KY: variants seen among roughly 807,000 people sequenced by gnomAD.
KY encodes kyphoscoliosis peptidase.
Under a neutral mutation model 76.1 loss-of-function variants are expected in KY, and 43 were observed. That is an observed-to-expected ratio of 0.57 (90% CI 0.44 to 0.73). The LOEUF is 0.73. Among genes scored for constraint, KY ranks in the 30% least tolerant of loss-of-function variants. The probability of loss-of-function intolerance (pLI) is 0.00; values close to 1 mark genes in which losing one functional copy is unlikely to be tolerated. For synonymous variants in KY, 277 were observed against 326.2 expected, an observed-to-expected ratio of 0.85 and a Z score of 1.63; for missense variants, 722 against 828.9, an observed-to-expected ratio of 0.87 and a Z score of 1.58.
chr3:134,604,868 T>C lies in KY; in HGVS notation c.1091-394A>G, dbSNP rs530973225. 2.6e-5 allele frequency among the ~76,000 whole-genome samples: 4 copies of C among 152,268 alleles called. No individual in the cohort carries two copies. In the East Asian group the frequency reaches 7.7e-4, roughly 29 times the overall value. ...GGCACCATCTCCCCCAAGTCTCAGGTCTAGCTTGCACCTTGCTCCCTGTAG... is the reference window on the plus strand; with the variant it reads ...GGCACCATCTCCCCCAAGTCTCAGGCCTAGCTTGCACCTTGCTCCCTGTAG... On this transcript the variant is annotated intron_variant, in intron 10 of 10. Transcript: ENST00000423778.
chr3:134,610,575 A>G, intron 8 of KY, 192 bp from the exon 9 acceptor site: 1 of 576,622 alleles, frequency 1.7e-6, no homozygotes, highest in Non-Finnish European at 3.1e-6. Context: ...AGGGAGATAC[A>G]GTGCTGGCTG....
intron 7 of KY, chr3:134,619,947 T>G (rs180978701): frequency 6.6e-6 from 1 of 152,440 alleles, no homozygotes; most frequent in East Asian, 1.9e-4. Flanking sequence ...TTGGACCTCC[T>G]ACCTGTGCCA....
At chr3:134,606,295 C>T (rs1959198030) in intron 10 of KY, among the ~76,000 whole-genome samples, 1 of 152,186 alleles carries the variant, frequency 6.6e-6, no homozygotes, top group Non-Finnish European at 1.5e-5. Context: ...CCTGGCTACT[C>T]CTGGGCTCAC....
Position 134,603,532 on chromosome 3 carries a change from G to A in KY, c.*47C>T, listed in dbSNP as rs775346815. On this transcript the variant is annotated 3_prime_UTR_variant, in exon 11 of 11. Transcript: ENST00000423778. ...GCACTTCCTTCGAGCCCTCCCTGGG[G>A]AGGTCTGGCCTTGGCCCTTTGGGAG... The A allele has an allele frequency of 2.0e-6, 3 of 1,510,470 alleles. No homozygotes were observed. Among genetic ancestry groups the A allele is most frequent in the Non-Finnish European group, 8.9e-7 (1 of 1,123,198 alleles). The allele number at this position is 1,510,470 out of a possible 1,614,324, so 93.6% of individuals were successfully genotyped here.
intron 5 of KY, among the ~76,000 whole-genome samples, chr3:134,627,097 T>C (rs1963556111): frequency 6.6e-6 from 1 of 152,222 alleles, no homozygotes; most frequent in Non-Finnish European, 1.5e-5. Context: ...CCTTTCTTGG[T>C]TCCATTTTCC....
rs1220584970 is a variant in KY at position 134,601,919 on chromosome 3, C to A, written c.*1660G>T. Among the ~76,000 whole-genome samples the A allele has an allele frequency of 3.3e-5, 5 of 152,240 alleles. No individual in the cohort carries two copies. Among genetic ancestry groups the A allele is most frequent in the Non-Finnish European group, 7.3e-5 (5 of 68,040 alleles). ...GCTGCTGCCTGGCAGTTTCCTCACC[C>A]TGTACTCTGGATGGCAGGGGCCGGG... is the stretch of plus-strand genomic sequence containing the variant. On this transcript the variant is annotated 3_prime_UTR_variant, in exon 11 of 11. Coordinates refer to ENST00000423778, the MANE Select transcript of KY (RefSeq NM_178554.6).
chr3:134,610,067 G>C, intron 9 of KY, 128 bp downstream of exon 9: 1 of 986,082 alleles, frequency 1.0e-6, no homozygotes, highest in Non-Finnish European at 1.5e-6. Context: ...CCGAGGAGGA[G>C]TGGGCATGGG....
Position 134,604,494 on chromosome 3 carries a change from G to A in KY, c.1091-20C>T, listed in dbSNP as rs1959110118. ...CATTCACTGAGGAGAGAAAGTCAGG[G>A]TCAGCAGAGATGGGTCCAGCACGTG... On this transcript the variant is annotated intron_variant, in intron 10 of 10. Transcript: ENST00000423778. 1 of 1,588,582 alleles carries A rather than the reference G, an allele frequency of 6.3e-7. No homozygotes were observed. The highest frequency in any genetic ancestry group is 1.7e-5 in the Admixed American group (1 of 58,784).
chr3:134,635,934 AC>A (rs1416784532), intron 3 of KY, among the ~76,000 whole-genome samples: 5 of 152,238 alleles, frequency 3.3e-5, no homozygotes, highest in Non-Finnish European at 7.3e-5. Context: ...TTAAATCTTT[AC>A]ATGTCAGTGA....
At chr3:134,627,630 G>A in intron 5 of KY, 126 bp downstream of exon 5, 1 of 774,026 alleles carries the variant, frequency 1.3e-6, no homozygotes, top group African/African-American at 1.7e-5. Flanking sequence ...TTCCCCTCCT[G>A]AACCCAAAGG....
At position 134,602,498 on chromosome 3, in the gene KY, A is replaced by C. The variant is rs921360100; in HGVS notation, c.*1081T>G. ...CAAAAGCTGCTCTCGTGCAGCTGGAATTCTTCCCAGCCCTGGCTTTGCTGG... is the reference window on the plus strand; with the variant it reads ...CAAAAGCTGCTCTCGTGCAGCTGGACTTCTTCCCAGCCCTGGCTTTGCTGG... On this transcript the variant is annotated 3_prime_UTR_variant, in exon 11 of 11. Transcript: ENST00000423778. Among the ~76,000 whole-genome samples the C allele has an allele frequency of 1.2e-4, 19 of 152,152 alleles. No individual in the cohort carries two copies. Among genetic ancestry groups the C allele is most frequent in the Admixed American group, 7.8e-4 (12 of 15,290 alleles).
intron 7 of KY, 43 bp from the exon 8 acceptor site, chr3:134,619,308 A>G (rs1962160079): frequency 6.8e-7 from 1 of 1,480,500 alleles, no homozygotes; most frequent in African/African-American, 1.4e-5. Context: ...TGAGCCTGGG[A>G]GGCGAGAAGA....
intron 10 of KY, chr3:134,607,953 C>T: frequency 1.0e-6 from 1 of 997,708 alleles, no homozygotes; most frequent in Non-Finnish European, 1.2e-6. Context: ...CCCGCCTCTC[C>T]TCTGCTGCCT....
Position 134,603,512 on chromosome 3 carries a change from T to C in KY, c.*67A>G. The C allele has an allele frequency of 6.9e-7, 1 of 1,444,186 alleles. No individual in the cohort carries two copies. The highest frequency in any genetic ancestry group is 1.4e-5 in the South Asian group (1 of 73,006). The allele number at this position is 1,444,186 out of a possible 1,614,324, so 89.5% of individuals were successfully genotyped here. On this transcript the variant is annotated 3_prime_UTR_variant, in exon 11 of 11. Transcript: ENST00000423778. Reference sequence around the variant, plus strand: ...AGTGGTGTCCAGGGCTCCCTGCACTTCCTTCGAGCCCTCCCTGGGGAGGTC... The same window carrying C: ...AGTGGTGTCCAGGGCTCCCTGCACTCCCTTCGAGCCCTCCCTGGGGAGGTC...
rs1457223313 is a variant in KY at position 134,601,412 on chromosome 3, T to G, written c.*2167A>C. Reference sequence around the variant, plus strand: ...TGCATATCGAAAAGGTATGGGGGTCTCCAGCAGGACTAAGCGAGGCAGCCA... The same window carrying G: ...TGCATATCGAAAAGGTATGGGGGTCGCCAGCAGGACTAAGCGAGGCAGCCA... On this transcript the variant is annotated 3_prime_UTR_variant, in exon 11 of 11. Transcript: ENST00000423778. Among the ~76,000 whole-genome samples the G allele has an allele frequency of 1.3e-5, 2 of 152,206 alleles. No homozygotes were observed. Among genetic ancestry groups the G allele is most frequent in the Non-Finnish European group, 2.9e-5 (2 of 68,038 alleles).
At chr3:134,645,903 C>T (rs1445790968) in intron 2 of KY, among the ~76,000 whole-genome samples, 5 of 152,180 alleles carry the variant, frequency 3.3e-5, no homozygotes, top group Non-Finnish European at 2.9e-5. Context: ...ATCAGAAACC[C>T]GGAAGATGGT....
At chr3:134,610,656 A>G (rs1960217141) in intron 8 of KY, 1 of 365,806 alleles carries the variant, frequency 2.7e-6, no homozygotes, top group Non-Finnish European at 4.9e-6. Context: ...CATTCAGATC[A>G]CTTCTGAAAT....
At chr3:134,620,921 C>A in intron 6 of KY, 64 bp from the exon 7 acceptor site, 1 of 950,034 alleles carries the variant, frequency 1.1e-6, no homozygotes. Flanking sequence ...GGCCCAGCAT[C>A]TTGCACCTAC....
intron 6 of KY, 107 bp from the exon 7 acceptor site, chr3:134,620,964 C>A (rs1213480073): frequency 5.6e-6 from 4 of 718,832 alleles, no homozygotes; most frequent in Admixed American, 4.5e-5. Context: ...GGCAGAGAAG[C>A]TGGAGGAGAG....
Sources: allele counts gnomAD v4.1 joint callset (sites outside exome capture counted in the v4.1 genomes callset), GRCh38; gene constraint gnomAD v4.1.1; transcripts MANE v1.5; gene names NCBI Gene and HGNC (gene_info 2026-07-23, HGNC 2026-07-21).